Variants in MYO3B observed in about 807,000 individuals in gnomAD.
The protein encoded by MYO3B is myosin-IIIb.
In MYO3B, 156 loss-of-function variants were observed where a neutral mutation model predicts 174.6. The observed-to-expected ratio is 0.89, with a 90% confidence interval of 0.78 to 1.02. The LOEUF (loss-of-function observed/expected upper bound fraction) is 1.02, where lower values mean the gene tolerates loss of function less well. MYO3B is among the 50% of genes least tolerant of loss of function. MYO3B has a pLI of 0.00. For synonymous variants in MYO3B, 563 were observed against 569.1 expected, an observed-to-expected ratio of 0.99 and a Z score of 0.15; for missense variants, 1,632 against 1,639.4, an observed-to-expected ratio of 1.00 and a Z score of 0.08.
rs2094476693 is a variant in MYO3B, at chr2:170,401,632, G to A, written c.2070G>A (p.Arg690=). Residue 690 remains arginine, a synonymous_variant, in exon 18 of 35, where the codon AGG becomes AGA. Coordinates refer to ENST00000408978, the MANE Select transcript of MYO3B (RefSeq NM_138995.5). ...RDAMSKALYG[R]LFSWIVNRIN... is the part of the protein sequence containing the mutation. ...CCATGTCCAAAGCCCTGTATGGGAG[G>A]CTCTTCAGCTGGATTGTGAATCGCA... is the stretch of plus-strand genomic sequence containing the variant. 3.1e-6 allele frequency: 5 copies of A among 1,614,022 alleles called. No individual in the cohort carries two copies. The highest frequency in any genetic ancestry group is 4.2e-6 in the Non-Finnish European group (5 of 1,180,008).
intron 3 of MYO3B, among the ~76,000 whole-genome samples, chr2:170,201,464 C>A (rs1398646731): frequency 6.6e-6 from 1 of 152,166 alleles, no homozygotes; most frequent in African/African-American, 2.4e-5. Flanking sequence ...ATGTTTCTGG[C>A]TCTGGGAGGG....
chr2:170,480,260 G>A (rs533230268), intron 25 of MYO3B, among the ~76,000 whole-genome samples: 2 of 152,030 alleles, frequency 1.3e-5, no homozygotes, highest in African/African-American at 4.8e-5. Context: ...CTGATTGTGG[G>A]TCATAAGACC....
intron 23 of MYO3B, among the ~76,000 whole-genome samples, chr2:170,459,274 T>C (rs1684105660): frequency 2.6e-5 from 4 of 152,190 alleles, no homozygotes; most frequent in Non-Finnish European, 4.4e-5. Flanking sequence ...TGGTCCATTT[T>C]ACAGAGAGCT....
intron 1 of MYO3B, among the ~76,000 whole-genome samples, chr2:170,196,007 G>A (rs986077631): frequency 1.3e-5 from 2 of 152,118 alleles, no homozygotes; most frequent in Non-Finnish European, 2.9e-5. Context: ...TCTGAGAGTT[G>A]TTCATTTTTC....
rs147109225 is a variant in MYO3B at position 170,310,428 on chromosome 2, C to T, written c.750-24957C>T. ...CTGTGATCCCAGCACTTTGCGAGAC[C>T]GAGGCGGGCGGATCACCCGAGGTCA... On this transcript the variant is annotated intron_variant, in intron 7 of 34. Transcript: ENST00000408978. Among the ~76,000 whole-genome samples, 702 of 152,086 alleles carry T rather than the reference C, an allele frequency of 4.6e-3. 7 individuals are homozygous for T. Among genetic ancestry groups the T allele is most frequent in the East Asian group, 0.035 (183 of 5,168 alleles).
chr2:170,515,158 C>A, intron 29 of MYO3B, 136 bp downstream of exon 29: 1 of 706,344 alleles, frequency 1.4e-6, no homozygotes. Flanking sequence ...AGGTGACAGC[C>A]AATTAAATTT....
chr2:170,457,738 A>G (rs1229314370), intron 23 of MYO3B, among the ~76,000 whole-genome samples: 1 of 152,174 alleles, frequency 6.6e-6, no homozygotes, highest in Non-Finnish European at 1.5e-5. Context: ...AAGTAGAAGA[A>G]GTACACCCTA....
intron 3 of MYO3B, among the ~76,000 whole-genome samples, chr2:170,211,607 G>A (rs572279530): frequency 1.3e-5 from 2 of 152,196 alleles, no homozygotes; most frequent in South Asian, 2.1e-4. Flanking sequence ...AAGGCTAAGC[G>A]TTGTTCATGG....
At chr2:170,255,329 T>C (rs1167248650) in intron 7 of MYO3B, among the ~76,000 whole-genome samples, 1 of 128,268 alleles carries the variant, frequency 7.8e-6, no homozygotes, top group Non-Finnish European at 1.6e-5. Context: ...GAGTCATCTC[T>C]TGTGCTCCTC....
chr2:170,444,104 G>T, intron 23 of MYO3B, 58 bp downstream of exon 23: 1 of 1,472,466 alleles, frequency 6.8e-7, no homozygotes, highest in Admixed American at 1.7e-5. Context: ...TTGACCCAGG[G>T]ATAATCTTAG....
chr2:170,641,351 T>C (rs1298829357), intron 32 of MYO3B: 1 of 152,208 alleles, frequency 6.6e-6, no homozygotes, highest in East Asian at 1.9e-4. Flanking sequence ...TAGGTATAGG[T>C]GGCAGAAGTG....
At chr2:170,265,357 T>C (rs2093375411) in intron 7 of MYO3B, among the ~76,000 whole-genome samples, 1 of 152,242 alleles carries the variant, frequency 6.6e-6, no homozygotes, top group South Asian at 2.1e-4. Flanking sequence ...AAGCACTCTT[T>C]TATATAACTT....
intron 7 of MYO3B, among the ~76,000 whole-genome samples, chr2:170,264,668 G>C (rs908292282): frequency 6.6e-6 from 1 of 152,056 alleles, no homozygotes; most frequent in Non-Finnish European, 1.5e-5. Context: ...GAGATGGTAT[G>C]GCAAAATACC....
At chr2:170,329,144 T>A (rs913458700) in intron 7 of MYO3B, among the ~76,000 whole-genome samples, 47 of 143,786 alleles carry the variant, frequency 3.3e-4, no homozygotes, top group Middle Eastern at 7.0e-3. Flanking sequence ...TGAGTGAGAC[T>A]CTGTCTCCAA....
intron 7 of MYO3B, among the ~76,000 whole-genome samples, chr2:170,326,550 T>C (rs2093869568): frequency 7.0e-6 from 1 of 142,820 alleles, no homozygotes; most frequent in Non-Finnish European, 1.6e-5. Flanking sequence ...CCACATTGGC[T>C]CAGACAACGA....
intron 28 of MYO3B, among the ~76,000 whole-genome samples, chr2:170,512,475 C>A (rs561804347): frequency 6.6e-6 from 1 of 152,182 alleles, no homozygotes; most frequent in Admixed American, 6.5e-5. Flanking sequence ...GCCTTCTCTG[C>A]CAGATACAGT....
chr2:170,451,325 C>T (rs564562497), intron 23 of MYO3B, among the ~76,000 whole-genome samples: 105 of 152,262 alleles, frequency 6.9e-4, no homozygotes, highest in Non-Finnish European at 1.2e-3. Context: ...TTGATTCTTC[C>T]TAGTACAGGT....
At chr2:170,640,782 C>A (rs1460421878) in intron 32 of MYO3B, 2 of 151,906 alleles carry the variant, frequency 1.3e-5, no homozygotes. Context: ...GTGATGATAC[C>A]ATTTCACTTT....
intron 32 of MYO3B, among the ~76,000 whole-genome samples, chr2:170,561,626 A>G (rs1691716961): frequency 6.6e-6 from 1 of 152,204 alleles, no homozygotes; most frequent in Non-Finnish European, 1.5e-5. Context: ...TGTACTAATG[A>G]GAGGAATTGA....
Sources: gnomAD v4.1 joint callset for allele counts (sites outside exome capture counted in the v4.1 genomes callset) on GRCh38, gnomAD v4.1.1 for gene constraint, MANE v1.5 for transcripts, NCBI Gene and HGNC (gene_info 2026-07-23, HGNC 2026-07-21) for gene names.